The following DNMT3A variants were observed in gnomAD, a reference collection of about 807,000 sequenced individuals.
DNMT3A encodes the protein DNA methyltransferase 3 alpha.
A neutral mutation model predicts 117.6 loss-of-function variants in DNMT3A; 267 were observed. The ratio of observed to expected loss-of-function variants is 2.27; its 90% CI spans 2.05 to 2.51. DNMT3A has a LOEUF of 2.51. Ranked by LOEUF, DNMT3A falls within the 30% of genes most tolerant of loss-of-function variation. The pLI is 0.00. For synonymous variants in DNMT3A, 432 were observed against 474.8 expected, an observed-to-expected ratio of 0.91 and a Z score of 1.17; for missense variants, 1,029 against 1,260.2, an observed-to-expected ratio of 0.82 and a Z score of 2.78.
rs535669666 is a variant in DNMT3A, at chr2:25,237,735, A to T, written c.2409-730T>A. On this transcript the variant is annotated intron_variant, in intron 20 of 22. Coordinates refer to ENST00000321117, the MANE Select transcript of DNMT3A (RefSeq NM_022552.5). The surrounding 1 kb of genome is among the most constrained non-coding windows in gnomAD (Gnocchi z 5.4). ...AGCCAGGATGGCACCACTGCACTCC[A>T]GCCTGGGCGACAGAGCAAGACTCTG... Among the ~76,000 whole-genome samples the T allele has an allele frequency of 6.6e-6, 1 of 151,988 alleles. No homozygotes were observed. The highest frequency in any genetic ancestry group is 1.9e-4 in the East Asian group (1 of 5,192).
At chr2:25,270,265 G>A (rs745808323) in intron 6 of DNMT3A, among the ~76,000 whole-genome samples, 3 of 152,152 alleles carry the variant, frequency 2.0e-5, no homozygotes, top group Non-Finnish European at 4.4e-5. Flanking sequence ...ACCGTCAAAA[G>A]CCAGAAGCCA....
At position 25,337,306 on chromosome 2, in the gene DNMT3A, G is replaced by C. The variant is rs1251297199; in HGVS notation, c.-178+4520C>G. Among the ~76,000 whole-genome samples the C allele has an allele frequency of 6.6e-6, 1 of 152,176 alleles. No homozygotes were observed. The highest frequency in any genetic ancestry group is 1.5e-5 in the Non-Finnish European group (1 of 68,030). ...ATTCTGCAAAAGACACAGGAAGGTG[G>C]ACGAGGCTTCTTAGAGCACTTCCTG... On this transcript the variant is annotated intron_variant, in intron 1 of 22. Coordinates refer to ENST00000321117, the MANE Select transcript of DNMT3A (RefSeq NM_022552.5). This position sits in a 1 kb window ranked among gnomAD's most constrained non-coding sequence, Gnocchi z 5.0.
In DNMT3A at chr2:25,313,896, C is replaced by G; in HGVS notation, c.72+17G>C. 6.5e-7 allele frequency: 1 copy of G among 1,549,080 alleles called. No homozygotes were observed. Among genetic ancestry groups the G allele is most frequent in the Non-Finnish European group, 8.7e-7 (1 of 1,146,794 alleles). ...CTCTCCCAGGCCAGAGGGTCCCCAG[C>G]AGAGCCCGCTGCTCACCTTTCGGTC... On this transcript the variant is annotated intron_variant, in intron 2 of 22. Coordinates refer to ENST00000321117, the MANE Select transcript of DNMT3A (RefSeq NM_022552.5).
At position 25,281,412 on chromosome 2, in the gene DNMT3A, T is replaced by A. The variant is rs2031878397; in HGVS notation, c.448+1029A>T. On this transcript the variant is annotated intron_variant, in intron 4 of 22. Transcript: ENST00000321117. The surrounding 1 kb of genome is among the most constrained non-coding windows in gnomAD (Gnocchi z 4.8). ...TGTTCTGCACATAGTGGGAGCATCA[T>A]ACATATTTGTCGAATAATAAATGAA... The A allele has an allele frequency of 9.8e-7, 1 of 1,022,418 alleles. No individual in the cohort carries two copies. Among genetic ancestry groups the A allele is most frequent in the South Asian group, 4.6e-5 (1 of 21,530 alleles). The allele number at this position is 1,022,418 out of a possible 1,614,324, so 63.3% of individuals were successfully genotyped here.
At chr2:25,279,226 C>T (rs1050578777) in intron 4 of DNMT3A, among the ~76,000 whole-genome samples, 2 of 152,322 alleles carry the variant, frequency 1.3e-5, no homozygotes, top group East Asian at 1.9e-4. Flanking sequence ...CTTCCTGATT[C>T]TTTCTCCTGG....
chr2:25,308,252 T>C (rs1350786561), intron 2 of DNMT3A, among the ~76,000 whole-genome samples: 2 of 152,160 alleles, frequency 1.3e-5, no homozygotes, highest in Non-Finnish European at 1.5e-5. Flanking sequence ...ACATATGCTA[T>C]GTCCTGGTGT....
At chr2:25,300,002 C>T in intron 3 of DNMT3A, 137 bp downstream of exon 3, 2 of 700,106 alleles carry the variant, frequency 2.9e-6, no homozygotes, top group South Asian at 2.5e-5. Context: ...GGGGTACCTG[C>T]AGCTGGAGGG....
intron 6 of DNMT3A, chr2:25,249,796 C>T (rs191551491): frequency 1.9e-5 from 29 of 1,554,474 alleles, no homozygotes; most frequent in Non-Finnish European, 2.4e-5. Flanking sequence ...CTAGGAAACA[C>T]GGCCCTCTGA....
chr2:25,328,987 C>T (rs1258106816), intron 1 of DNMT3A, among the ~76,000 whole-genome samples: 1 of 152,196 alleles, frequency 6.6e-6, no homozygotes, highest in African/African-American at 2.4e-5. Context: ...TAAACCAGCT[C>T]CCTCTTGGGT....
Position 25,247,179 on chromosome 2 carries a change from T to C in DNMT3A, c.1015-21A>G, listed in dbSNP as rs760066646. ...CACACCTGGGGGGACAAGCCAGGCCTTGTTTGCCGAGGCTTACACTTGCAA... is the reference window on the plus strand; with the variant it reads ...CACACCTGGGGGGACAAGCCAGGCCCTGTTTGCCGAGGCTTACACTTGCAA... On this transcript the variant is annotated intron_variant, in intron 8 of 22. Coordinates refer to ENST00000321117, the MANE Select transcript of DNMT3A (RefSeq NM_022552.5). The surrounding 1 kb of genome is among the most constrained non-coding windows in gnomAD (Gnocchi z 5.6). The C allele has an allele frequency of 5.6e-6, 9 of 1,611,726 alleles. No individual in the cohort carries two copies. In the Middle Eastern group the frequency reaches 6.6e-4, roughly 118 times the overall value.
intron 6 of DNMT3A, among the ~76,000 whole-genome samples, chr2:25,251,163 G>T (rs1573353780): frequency 7.7e-6 from 1 of 129,630 alleles, no homozygotes; most frequent in East Asian, 2.4e-4. Context: ...CGGGGGGGGG[G>T]GTGGGTGAGC....
rs376150363 is a variant in DNMT3A at position 25,246,606 on chromosome 2, G to T, written c.1279+14C>A. 6.2e-7 allele frequency: 1 copy of T among 1,601,646 alleles called. No homozygotes were observed. Among genetic ancestry groups the T allele is most frequent in the Non-Finnish European group, 8.5e-7 (1 of 1,172,568 alleles). On this transcript the variant is annotated intron_variant, in intron 10 of 22. Coordinates refer to ENST00000321117, the MANE Select transcript of DNMT3A (RefSeq NM_022552.5). ...GCGGGCAGGGGTCCCAGAAAGCTGG[G>T]TGCCCTCATTTACCTTCTGGTGGCT...
chr2:25,320,633 T>A (rs2034553674), intron 1 of DNMT3A, among the ~76,000 whole-genome samples: 1 of 152,040 alleles, frequency 6.6e-6, no homozygotes, highest in Non-Finnish European at 1.5e-5. Context: ...AACAAGGTAA[T>A]TATTAACTTC....
intron 1 of DNMT3A, among the ~76,000 whole-genome samples, chr2:25,331,610 G>T (rs925038765): frequency 6.6e-6 from 1 of 152,324 alleles, no homozygotes; most frequent in African/African-American, 2.4e-5. Context: ...GGAAATCACT[G>T]TGAAGTAGAG....
At chr2:25,262,188 C>CA (rs533414494) in intron 6 of DNMT3A, among the ~76,000 whole-genome samples, 50,850 of 93,396 alleles carry the variant, frequency 0.54, 12,563 homozygotes, top group African/African-American at 0.6. Context: ...GACTCCGTCT[C>CA]AAAAAAAAAA....
intron 6 of DNMT3A, among the ~76,000 whole-genome samples, chr2:25,255,465 A>G (rs539371433): frequency 6.6e-6 from 1 of 152,238 alleles, no homozygotes; most frequent in Non-Finnish European, 1.5e-5. Flanking sequence ...GCTGGATGTC[A>G]AGAGCCTAAA....
Position 25,244,122 on chromosome 2 carries a change from A to T in DNMT3A, c.1851+33T>A, listed in dbSNP as rs751830245. ...CCCACAACCAAGGCTCAGCCAAGGG[A>T]GCTCGAGACCGCGCCCCAGGCCCAG... On this transcript the variant is annotated intron_variant, in intron 15 of 22. Transcript: ENST00000321117. 3.1e-6 allele frequency: 5 copies of T among 1,613,528 alleles called. No homozygotes were observed. The African/African-American group carries it at 6.7e-5, about 22-fold the overall frequency.
At chr2:25,251,799 C>T in intron 6 of DNMT3A, 1 of 285,634 alleles carries the variant, frequency 3.5e-6, no homozygotes, top group Non-Finnish European at 6.6e-6. Context: ...GGTCCCCCAG[C>T]CAGAAACGCA....
At position 25,244,000 on chromosome 2, in the gene DNMT3A, C is replaced by G; in HGVS notation, c.1852-18G>C. The G allele has an allele frequency of 1.1e-5, 17 of 1,552,626 alleles. No individual in the cohort carries two copies. Among genetic ancestry groups the G allele is most frequent in the Non-Finnish European group, 1.5e-5 (17 of 1,147,916 alleles). ...GGAGGGTCCTAAGCAGTGAGCACAA[C>G]AGGTCAGATGCAGGCCCAGCGGTGT... is the stretch of plus-strand genomic sequence containing the variant. On this transcript the variant is annotated intron_variant, in intron 15 of 22. Transcript: ENST00000321117.
Sources: gnomAD v4.1 joint callset for allele counts (sites outside exome capture counted in the v4.1 genomes callset) on GRCh38, gnomAD v4.1.1 for gene constraint, Gnocchi (gnomAD v3.1) non-coding constraint, MANE v1.5 for transcripts, NCBI Gene and HGNC (gene_info 2026-07-23, HGNC 2026-07-21) for gene names.